Variants in ASCC3 observed in about 807,000 individuals in gnomAD.
The protein encoded by ASCC3 is ASC-1 complex subunit P200.
A neutral mutation model predicts 256.3 loss-of-function variants in ASCC3; 158 were observed. The ratio of observed to expected loss-of-function variants is 0.62; its 90% CI spans 0.54 to 0.70. The LOEUF (loss-of-function observed/expected upper bound fraction) is 0.70. Ranked by LOEUF, ASCC3 falls within the 30% of genes least tolerant of loss-of-function variation. The probability of loss-of-function intolerance (pLI) is 0.00; values close to 1 mark genes in which losing one functional copy is unlikely to be tolerated. For synonymous variants in ASCC3, 948 were observed against 883.4 expected, an observed-to-expected ratio of 1.07 and a Z score of -1.30; for missense variants, 2,259 against 2,626.0, an observed-to-expected ratio of 0.86 and a Z score of 3.05.
chr6:100,586,710 C>T (rs1367977876), intron 36 of ASCC3, among the ~76,000 whole-genome samples: 1 of 152,174 alleles, frequency 6.6e-6, no homozygotes, highest in Non-Finnish European at 1.5e-5. Context: ...TGAGCTGTTC[C>T]TATTCGGCCA....
chr6:100,615,701 G>C (rs564916293), intron 30 of ASCC3, among the ~76,000 whole-genome samples: 1 of 152,252 alleles, frequency 6.6e-6, no homozygotes, highest in African/African-American at 2.4e-5. Flanking sequence ...GGATATGCAT[G>C]CTACCAACTA....
chr6:100,580,837 G>T (rs375688151), intron 36 of ASCC3, among the ~76,000 whole-genome samples: 1 of 149,256 alleles, frequency 6.7e-6, no homozygotes, highest in Non-Finnish European at 1.5e-5. Context: ...GCGGTGTTTG[G>T]TTTTTTGGTC....
intron 13 of ASCC3, among the ~76,000 whole-genome samples, chr6:100,712,067 G>T (rs992031464): frequency 6.6e-6 from 1 of 152,000 alleles, no homozygotes; most frequent in African/African-American, 2.4e-5. Flanking sequence ...CCATCAATAT[G>T]CAAAAAAAAT....
intron 14 of ASCC3, among the ~76,000 whole-genome samples, chr6:100,665,691 G>A (rs1776434675): frequency 6.7e-6 from 1 of 149,946 alleles, no homozygotes; most frequent in Non-Finnish European, 1.5e-5. Flanking sequence ...AGTGAGCCGA[G>A]ATCACATCAC....
chr6:100,518,428 AT>A (rs1774144559), intron 37 of ASCC3, among the ~76,000 whole-genome samples: 1 of 152,158 alleles, frequency 6.6e-6, no homozygotes. Flanking sequence ...TAAAACAAAG[AT>A]AAAAACTCAG....
At position 100,745,241 on chromosome 6, in the gene ASCC3, C is replaced by T. The variant is rs538509951; in HGVS notation, c.1738-19538G>A. On this transcript the variant is annotated intron_variant, in intron 10 of 41. Coordinates refer to ENST00000369162, the MANE Select transcript of ASCC3 (RefSeq NM_006828.4). ...ACTCAGGAGGTTGAGGCAAGAGAAT[C>T]GCTTGAACCTGGGATGCAGAGGTTG... is the stretch of plus-strand genomic sequence containing the variant. 1.6e-4 allele frequency among the ~76,000 whole-genome samples: 24 copies of T among 152,140 alleles called. No homozygotes were observed. In the South Asian group the frequency reaches 4.4e-3, roughly 28 times the overall value.
At chr6:100,536,320 G>C (rs1243966880) in intron 37 of ASCC3, among the ~76,000 whole-genome samples, 2 of 152,118 alleles carry the variant, frequency 1.3e-5, no homozygotes, top group Non-Finnish European at 2.9e-5. Context: ...AGAGGTATAA[G>C]AATGATAAAT....
At chr6:100,777,329 AT>A (rs1270592582) in intron 8 of ASCC3, among the ~76,000 whole-genome samples, 1 of 152,100 alleles carries the variant, frequency 6.6e-6, no homozygotes, top group Non-Finnish European at 1.5e-5. Context: ...AAAAACTCTG[AT>A]CTTTCATTTA....
At chr6:100,630,798 C>T (rs1302841399) in intron 26 of ASCC3, among the ~76,000 whole-genome samples, 6 of 151,476 alleles carry the variant, frequency 4.0e-5, no homozygotes, top group South Asian at 2.1e-4. Context: ...CTGCAAAATA[C>T]GAAAAAAATA....
At chr6:100,871,920 C>T (rs1331213056) in intron 1 of ASCC3, among the ~76,000 whole-genome samples, 1 of 152,204 alleles carries the variant, frequency 6.6e-6, no homozygotes, top group Non-Finnish European at 1.5e-5. Context: ...TATGTATGTA[C>T]ACTGTACATG....
chr6:100,814,073 G>T (rs1261778820), intron 4 of ASCC3, among the ~76,000 whole-genome samples: 1 of 152,136 alleles, frequency 6.6e-6, no homozygotes, highest in African/African-American at 2.4e-5. Flanking sequence ...CTTGGCTGTG[G>T]ATTTGTCATA....
chr6:100,734,055 T>A (rs1780029234), intron 10 of ASCC3, among the ~76,000 whole-genome samples: 1 of 152,226 alleles, frequency 6.6e-6, no homozygotes, highest in South Asian at 2.1e-4. Context: ...AAATTAGTAA[T>A]CCCCAGAGAA....
At chr6:100,812,581 T>A (rs1395158227) in intron 4 of ASCC3, among the ~76,000 whole-genome samples, 2 of 152,048 alleles carry the variant, frequency 1.3e-5, no homozygotes, top group Non-Finnish European at 2.9e-5. Context: ...AGAGTCAAAC[T>A]GTCAGAAGAA....
chr6:100,859,111 T>A, intron 3 of ASCC3: 2 of 779,890 alleles, frequency 2.6e-6, no homozygotes, highest in Non-Finnish European at 4.8e-6. Context: ...ATTTTTGTCA[T>A]CTTAGTCCTC....
chr6:100,697,784 G>C (rs1264702293), intron 13 of ASCC3, among the ~76,000 whole-genome samples: 1 of 152,050 alleles, frequency 6.6e-6, no homozygotes, highest in African/African-American at 2.4e-5. Flanking sequence ...GCCATCAGCA[G>C]AAAGGCTGGT....
intron 13 of ASCC3, among the ~76,000 whole-genome samples, chr6:100,703,732 G>T (rs868532472): frequency 2.0e-5 from 3 of 151,602 alleles, no homozygotes; most frequent in African/African-American, 7.3e-5. Flanking sequence ...CTGGCATTTG[G>T]CCCATATAGG....
chr6:100,548,798 C>T (rs1252203104), intron 36 of ASCC3, among the ~76,000 whole-genome samples: 1 of 151,848 alleles, frequency 6.6e-6, no homozygotes, highest in Non-Finnish European at 1.5e-5. Context: ...GAATAGTATA[C>T]AGTAGTTCTC....
At chr6:100,812,193 T>C (rs1770503733) in intron 4 of ASCC3, among the ~76,000 whole-genome samples, 1 of 152,066 alleles carries the variant, frequency 6.6e-6, no homozygotes, top group East Asian at 1.9e-4. Context: ...CTAGCCCCAG[T>C]GGAAACATGG....
rs118086234 is a variant in ASCC3, at chr6:100,783,307, T to C, written c.1395+15406A>G. Among the ~76,000 whole-genome samples, 1,204 of 152,290 alleles carry C rather than the reference T, an allele frequency of 7.9e-3. 5 individuals carry two copies. Among genetic ancestry groups the C allele is most frequent in the Non-Finnish European group, 0.013 (869 of 68,012 alleles). On this transcript the variant is annotated intron_variant, in intron 8 of 41. Coordinates refer to ENST00000369162, the MANE Select transcript of ASCC3 (RefSeq NM_006828.4). Reference sequence around the variant, plus strand: ...TCAAAGGACTTCCCAATTAAAAGTTTAGACACAGAAGAAAACAGCAAGTGT... The same window carrying C: ...TCAAAGGACTTCCCAATTAAAAGTTCAGACACAGAAGAAAACAGCAAGTGT...
Sources: gnomAD v4.1 joint callset for allele counts (sites outside exome capture counted in the v4.1 genomes callset) on GRCh38, gnomAD v4.1.1 for gene constraint, MANE v1.5 for transcripts, NCBI Gene and HGNC (gene_info 2026-07-23, HGNC 2026-07-21) for gene names.